Variants in GFRA4 observed in about 807,000 individuals in gnomAD.
GFRA4 encodes GDNF family receptor alpha 4.
Under a neutral mutation model 28.5 loss-of-function variants are expected in GFRA4, and 31 were observed. That is an observed-to-expected ratio of 1.09 (90% CI 0.82 to 1.47). The LOEUF is 1.47. GFRA4 is among the 40% of genes most tolerant of loss of function. The pLI is 0.00. For synonymous variants in GFRA4, 188 were observed against 188.0 expected, an observed-to-expected ratio of 1.00 and a Z score of 0.00; for missense variants, 389 against 413.2, an observed-to-expected ratio of 0.94 and a Z score of 0.51.
chr20:3,663,341 GA>G lies in GFRA4; in HGVS notation c.46+12del. On this transcript the variant is annotated intron_variant, in intron 1 of 5. Transcript: ENST00000290417. ...CCAGGGTTCGGGGTCCAGGGGAAGA[GA>G]GGGGCGCTCACCCAGTAACAGCAGC... 6.2e-7 allele frequency: 1 copy of G among 1,609,086 alleles called. No homozygotes were observed. The highest frequency in any genetic ancestry group is 8.5e-7 in the Non-Finnish European group (1 of 1,178,484).
At position 3,660,511 on chromosome 20, in the gene GFRA4, C is replaced by G. The variant is rs1052451969; in HGVS notation, c.637+15G>C. The G allele has an allele frequency of 2.6e-6, 4 of 1,546,472 alleles. No homozygotes were observed. The highest frequency in any genetic ancestry group is 3.5e-6 in the Non-Finnish European group (4 of 1,145,474). ...CCGCCCCCACTCCCCCTCCACTCCC[C>G]CCCGGGCCCCTCACCCAAGCAGCGG... On this transcript the variant is annotated intron_variant, in intron 4 of 5. Coordinates refer to ENST00000290417, the MANE Select transcript of GFRA4 (RefSeq NM_022139.4).
chr20:3,660,229 C>T lies in GFRA4; in HGVS notation c.658G>A (p.Ala220Thr). 6.2e-7 allele frequency: 1 copy of T among 1,606,110 alleles called. No homozygotes were observed. Among genetic ancestry groups the T allele is most frequent in the Non-Finnish European group, 8.5e-7 (1 of 1,176,886 alleles). ...AGCAGGACTGGGGGCCACCCGCTGG[C>T]AAAGGCCTGAATGGCACCATCTATG... ...RCLDGAIQAF[A>T]SGWPPVLLDQ... The change falls in exon 5 of 6, where the codon GCC (alanine) becomes ACC (threonine). Residue 220 changes from alanine (A) to threonine (T), a missense_variant. Ala to Thr is a moderately conservative substitution (Grantham distance 58). Transcript: ENST00000290417.
At chr20:3,660,699 G>T (rs1488533892) in intron 3 of GFRA4, 39 bp from the exon 4 acceptor site, 6 of 1,524,984 alleles carry the variant, frequency 3.9e-6, no homozygotes. Flanking sequence ...GGCCCACCCG[G>T]GCGGAGATAT....
intron 1 of GFRA4, among the ~76,000 whole-genome samples, chr20:3,662,499 G>A (rs1013403188): frequency 1.3e-5 from 2 of 152,222 alleles, no homozygotes; most frequent in Non-Finnish European, 2.9e-5. Context: ...CCCAGGGCTG[G>A]GAGCAGGGTG....
rs1191433022 is a variant in GFRA4, at chr20:3,661,129, G to A, written c.207C>T (p.Arg69=). ...CGGGCGGCCCGCGGGCGAAGAAGCG[G>A]CGCAGGGCCCGGCGGCAGCGGGCGC... ...CPRARCRRAL[R]RFFARGPPAL... Residue 69 remains arginine (R), a synonymous_variant, in exon 2 of 6, where the codon CGC becomes CGT. Transcript: ENST00000290417. 7.5e-7 allele frequency: 1 copy of A among 1,325,054 alleles called. No homozygotes were observed. Among genetic ancestry groups the A allele is most frequent in the Non-Finnish European group, 9.6e-7 (1 of 1,045,228 alleles). The allele number at this position is 1,325,054 out of a possible 1,614,324, so 82.1% of individuals were successfully genotyped here. A position where few individuals can be genotyped will look rare whatever the true frequency, so the allele number is the denominator to read the frequency against.
Position 3,661,187 on chromosome 20 carries a change from C to T in GFRA4, c.149G>A (p.Cys50Tyr), listed in dbSNP as rs1258571881. The T allele has an allele frequency of 2.7e-6, 4 of 1,482,066 alleles. No individual in the cohort carries two copies. The highest frequency in any genetic ancestry group is 1.3e-5 in the South Asian group (1 of 78,984). The allele number at this position is 1,482,066 out of a possible 1,614,324, so 91.8% of individuals were successfully genotyped here. A position where few individuals can be genotyped will look rare whatever the true frequency, so the allele number is the denominator to read the frequency against. The change falls in exon 2 of 6, where the codon TGC (cysteine) becomes TAC (tyrosine). Residue 50 changes from cysteine to tyrosine, a missense_variant. Coordinates refer to ENST00000290417, the MANE Select transcript of GFRA4 (RefSeq NM_022139.4). ...GCCCCCCTGCGCAGCCCGGCCCAGG[C>T]ACTGCGCCACATACTCGGAGCGCAA... ...QRLRSEYVAQ[C>Y]LGRAAQGGCP...
At position 3,660,927 on chromosome 20, in the gene GFRA4, C is replaced by T; in HGVS notation, c.392+17G>A. On this transcript the variant is annotated intron_variant, in intron 2 of 5. Transcript: ENST00000290417. ...CGTCCCCACCCTCGCCACGGCCCCGCCGCCGCCCGCGCGCACCTGCAGACC... is the reference window on the plus strand; with the variant it reads ...CGTCCCCACCCTCGCCACGGCCCCGTCGCCGCCCGCGCGCACCTGCAGACC... 7.2e-7 allele frequency: 1 copy of T among 1,380,354 alleles called. No individual in the cohort carries two copies. Among genetic ancestry groups the T allele is most frequent in the East Asian group, 3.1e-5 (1 of 32,374 alleles). The allele number at this position is 1,380,354 out of a possible 1,614,324, so 85.5% of individuals were successfully genotyped here.
intron 4 of GFRA4, 35 bp from the exon 5 acceptor site, chr20:3,660,284 G>T: frequency 1.3e-6 from 2 of 1,537,814 alleles, no homozygotes; most frequent in Admixed American, 3.8e-5. Context: ...GACTTAGCTG[G>T]GAAACCCTAG....
chr20:3,662,486 C>A (rs867325437), intron 1 of GFRA4, among the ~76,000 whole-genome samples: 1 of 152,308 alleles, frequency 6.6e-6, no homozygotes, highest in African/African-American at 2.4e-5. Flanking sequence ...GTGGTATCCC[C>A]CCCCCAGGGC....
intron 5 of GFRA4, 64 bp downstream of exon 5, chr20:3,660,094 G>T: frequency 1.3e-6 from 2 of 1,522,270 alleles, no homozygotes; most frequent in Non-Finnish European, 1.8e-6. Flanking sequence ...GCCCACCAGG[G>T]ACGGAAGGGT....
intron 4 of GFRA4, 67 bp downstream of exon 4, chr20:3,660,459 A>G: frequency 6.8e-7 from 1 of 1,461,286 alleles, no homozygotes; most frequent in Non-Finnish European, 9.3e-7. Context: ...GCTCCCAGCC[A>G]GGCGGCTTGG....
rs533547918 is a variant in GFRA4, at chr20:3,662,957, T to G, written c.46+397A>C. On this transcript the variant is annotated intron_variant, in intron 1 of 5. Coordinates refer to ENST00000290417, the MANE Select transcript of GFRA4 (RefSeq NM_022139.4). ...GTGACCCCTCCCTCCGCGACATCCA[T>G]GCAGGGACGGAGCAGTCCAAGAAGG... 2.6e-5 allele frequency among the ~76,000 whole-genome samples: 4 copies of G among 152,238 alleles called. No individual in the cohort carries two copies. In the South Asian group the frequency reaches 8.3e-4, roughly 32 times the overall value.
intron 1 of GFRA4, among the ~76,000 whole-genome samples, chr20:3,662,120 T>C (rs1281556814): frequency 6.6e-6 from 1 of 152,148 alleles, no homozygotes; most frequent in African/African-American, 2.4e-5. Context: ...CAAGGGTTCA[T>C]CAGTGGTTTT....
In GFRA4 at chr20:3,660,195, A is replaced by C; in HGVS notation, c.692T>G (p.Leu231Arg). 1 of 1,601,824 alleles carries C rather than the reference A, an allele frequency of 6.2e-7. No homozygotes were observed. The highest frequency in any genetic ancestry group is 8.5e-7 in the Non-Finnish European group (1 of 1,175,328). The change falls in exon 5 of 6, where the codon CTG becomes CGG. Residue 231 changes from leucine (L) to arginine (R), a missense_variant. Coordinates refer to ENST00000290417, the MANE Select transcript of GFRA4 (RefSeq NM_022139.4). Reference protein sequence around the residue: ...SGWPPVLLDQLNPQGDPEHSL... With the variant: ...SGWPPVLLDQRNPQGDPEHSL... ...GTGCTCCGGGTCTCCCTGGGGGTTC[A>C]GCTGGTCCAGCAGGACTGGGGGCCA...
chr20:3,660,720 A>C, intron 3 of GFRA4, 35 bp downstream of exon 3: 1 of 1,461,646 alleles, frequency 6.8e-7, no homozygotes, highest in Non-Finnish European at 9.0e-7. Flanking sequence ...CCCCTGGAGA[A>C]CCCCCGCCCT....
chr20:3,660,270 G>A (rs1342198722), intron 4 of GFRA4, 21 bp from the exon 5 acceptor site: 6 of 1,580,872 alleles, frequency 3.8e-6, no homozygotes, highest in African/African-American at 1.3e-5. Flanking sequence ...AGGGGTCCAG[G>A]GTGGACTTAG....
chr20:3,663,017 A>T (rs959877112), intron 1 of GFRA4, among the ~76,000 whole-genome samples: 1 of 152,166 alleles, frequency 6.6e-6, no homozygotes, highest in African/African-American at 2.4e-5. Flanking sequence ...AAGATTCACC[A>T]AGGAATCTGT....
In GFRA4 at chr20:3,660,507, T is replaced by TC. The variant is rs542980475; in HGVS notation, c.637+18dup. 2,420 of 617,208 alleles carry TC rather than the reference T, an allele frequency of 3.9e-3. 33 individuals are homozygous for TC. The African/African-American group carries it at 0.049, about 12-fold the overall frequency. 38.2% of individuals were successfully genotyped at this position (617,208 alleles called of 1,614,324 possible). On this transcript the variant is annotated intron_variant, in intron 4 of 5. Coordinates refer to ENST00000290417, the MANE Select transcript of GFRA4 (RefSeq NM_022139.4). ...AGCGCCGCCCCCACTCCCCCTCCAC[T>TC]CCCCCCCGGGCCCCTCACCCAAGCA...
intron 5 of GFRA4, 28 bp from the exon 6 acceptor site, chr20:3,660,017 T>C (rs1198801208): frequency 3.2e-6 from 5 of 1,546,214 alleles, no homozygotes; most frequent in Non-Finnish European, 4.4e-6. Context: ...AGTGCAGACT[T>C]GAGGCAAAAG....
Sources: allele counts gnomAD v4.1 joint callset (sites outside exome capture counted in the v4.1 genomes callset), GRCh38; gene constraint gnomAD v4.1.1; transcripts MANE v1.5; gene names NCBI Gene and HGNC (gene_info 2026-07-23, HGNC 2026-07-21).